The following B3GALT1 variants were observed in gnomAD, a reference collection of about 807,000 sequenced individuals.
B3GALT1 encodes the protein beta-1,3-galactosyltransferase 1.
In B3GALT1, 10 loss-of-function variants were observed where a neutral mutation model predicts 23.2. That is an observed-to-expected ratio of 0.43 (90% CI 0.27 to 0.73). B3GALT1 has a LOEUF of 0.73. Among genes scored for constraint, B3GALT1 ranks in the 30% least tolerant of loss-of-function variants. The pLI, the probability that B3GALT1 is intolerant of heterozygous loss-of-function variation, is 0.21. For missense variants in B3GALT1, 299 were observed against 405.4 expected, an observed-to-expected ratio of 0.74 and a Z score of 2.25; for synonymous variants, 156 against 141.5, an observed-to-expected ratio of 1.10 and a Z score of -0.73.
intron 3 of B3GALT1, among the ~76,000 whole-genome samples, chr2:167,706,807 T>C (rs1459750378): frequency 6.6e-6 from 1 of 152,248 alleles, no homozygotes; most frequent in Non-Finnish European, 1.5e-5. Flanking sequence ...CACAACTGTC[T>C]GCCATCTCAC....
At chr2:167,727,201 G>C (rs889121348) in intron 3 of B3GALT1, among the ~76,000 whole-genome samples, 5 of 152,146 alleles carry the variant, frequency 3.3e-5, no homozygotes, top group African/African-American at 1.2e-4. Flanking sequence ...TTTGTCTTTT[G>C]GAAGCTAGAT....
intron 1 of B3GALT1, among the ~76,000 whole-genome samples, chr2:167,389,906 G>GT (rs1697989623): frequency 1.1e-5 from 1 of 93,204 alleles, no homozygotes; most frequent in Non-Finnish European, 2.0e-5. Context: ...GGGATACCCT[G>GT]TCCAAAAAAA....
chr2:167,620,913 A>G (rs912264638), intron 2 of B3GALT1, among the ~76,000 whole-genome samples: 1 of 151,916 alleles, frequency 6.6e-6, no homozygotes, highest in East Asian at 1.9e-4. Context: ...ATAAATGCAA[A>G]TTTTTTAACC....
chr2:167,613,202 AT>A (rs1370863915), intron 2 of B3GALT1, among the ~76,000 whole-genome samples: 3 of 151,896 alleles, frequency 2.0e-5, no homozygotes, highest in Non-Finnish European at 4.4e-5. Context: ...TACGTAAATA[AT>A]TGAAAAAAAG....
chr2:167,376,820 A>T (rs1453236378), intron 1 of B3GALT1, among the ~76,000 whole-genome samples: 1 of 151,644 alleles, frequency 6.6e-6, no homozygotes, highest in African/African-American at 2.4e-5. Context: ...CTTTGTATGG[A>T]TTTGGAGGTT....
At chr2:167,306,343 A>G (rs1173567476) in intron 1 of B3GALT1, among the ~76,000 whole-genome samples, 1 of 152,074 alleles carries the variant, frequency 6.6e-6, no homozygotes, top group Non-Finnish European at 1.5e-5. Context: ...AAAATTACGT[A>G]CAAGTCCTAC....
At chr2:167,310,712 G>T (rs1486878382) in intron 1 of B3GALT1, among the ~76,000 whole-genome samples, 2 of 152,056 alleles carry the variant, frequency 1.3e-5, no homozygotes, top group South Asian at 2.1e-4. Flanking sequence ...CTATTTAAGG[G>T]TTTTGAATGG....
chr2:167,839,575 A>C (rs1689583205), intron 4 of B3GALT1, among the ~76,000 whole-genome samples: 1 of 152,296 alleles, frequency 6.6e-6, no homozygotes, highest in Non-Finnish European at 1.5e-5. Flanking sequence ...GATAGGAAGA[A>C]TCAATATCAT....
intron 1 of B3GALT1, among the ~76,000 whole-genome samples, chr2:167,293,787 G>T (rs1355682390): frequency 7.2e-5 from 11 of 152,094 alleles, no homozygotes; most frequent in African/African-American, 2.7e-4. Flanking sequence ...ATTAAAAGGA[G>T]CTGTGGACCT....
At chr2:167,859,669 C>T (rs1346546559) in intron 4 of B3GALT1, among the ~76,000 whole-genome samples, 3 of 152,184 alleles carry the variant, frequency 2.0e-5, no homozygotes, top group Non-Finnish European at 4.4e-5. Context: ...ACTGCCAAGT[C>T]ATGATGAATA....
intron 3 of B3GALT1, among the ~76,000 whole-genome samples, chr2:167,741,938 C>G (rs922131596): frequency 2.0e-5 from 3 of 152,120 alleles, no homozygotes; most frequent in Admixed American, 2.0e-4. Flanking sequence ...TAATATACCA[C>G]AAGGTATTAA....
chr2:167,523,514 G>A lies in B3GALT1; in HGVS notation c.-410+33237G>A, dbSNP rs746688776. Among the ~76,000 whole-genome samples, 15 of 151,046 alleles carry A rather than the reference G, an allele frequency of 9.9e-5. No homozygotes were observed. In the South Asian group the frequency reaches 1.9e-3, roughly 19 times the overall value. On this transcript the variant is annotated intron_variant, in intron 2 of 4. Transcript: ENST00000392690. The stretch of plus-strand genomic sequence containing the variant: ...AATGTCAGCTTACTGCAACTTCCGC[G>A]TCCCACGTTGAAGCAATTCTCCTGC...
At chr2:167,809,626 C>T (rs929766883) in intron 3 of B3GALT1, among the ~76,000 whole-genome samples, 2 of 152,154 alleles carry the variant, frequency 1.3e-5, no homozygotes, top group Admixed American at 1.3e-4. Flanking sequence ...GATGTTGCTG[C>T]CTGATCGTTC....
intron 1 of B3GALT1, among the ~76,000 whole-genome samples, chr2:167,336,772 A>AT (rs1697064025): frequency 6.6e-6 from 1 of 151,850 alleles, no homozygotes; most frequent in Non-Finnish European, 1.5e-5. Flanking sequence ...GTATATATTG[A>AT]TTTTTTCTTA....
At chr2:167,805,135 G>C (rs1212833251) in intron 3 of B3GALT1, among the ~76,000 whole-genome samples, 1 of 152,224 alleles carries the variant, frequency 6.6e-6, no homozygotes, top group Non-Finnish European at 1.5e-5. Flanking sequence ...CTTGTGAGAA[G>C]TGTCTGTTCA....
intron 3 of B3GALT1, among the ~76,000 whole-genome samples, chr2:167,767,495 G>A (rs1211037824): frequency 1.3e-5 from 2 of 152,042 alleles, no homozygotes; most frequent in Non-Finnish European, 2.9e-5. Flanking sequence ...TCAAACTGCT[G>A]TCTTATCCTT....
At chr2:167,789,502 T>C (rs1353024993) in intron 3 of B3GALT1, among the ~76,000 whole-genome samples, 1 of 152,182 alleles carries the variant, frequency 6.6e-6, no homozygotes, top group African/African-American at 2.4e-5. Context: ...ACTCTATGGT[T>C]CATAAATTCT....
At chr2:167,338,609 T>A (rs1301827909) in intron 1 of B3GALT1, among the ~76,000 whole-genome samples, 1 of 152,224 alleles carries the variant, frequency 6.6e-6, no homozygotes, top group East Asian at 1.9e-4. Flanking sequence ...GATACCTTTT[T>A]AAGATAATAA....
intron 1 of B3GALT1, among the ~76,000 whole-genome samples, chr2:167,333,856 G>A (rs1187921643): frequency 6.6e-6 from 1 of 152,016 alleles, no homozygotes. Flanking sequence ...ATTTAAAAAG[G>A]CTTAGAGAAA....
Sources: allele counts gnomAD v4.1 joint callset (sites outside exome capture counted in the v4.1 genomes callset), GRCh38; gene constraint gnomAD v4.1.1; transcripts MANE v1.5; gene names NCBI Gene and HGNC (gene_info 2026-07-23, HGNC 2026-07-21).